The following PRKRIP1 variants were observed in gnomAD, a reference collection of about 807,000 sequenced individuals.
The protein encoded by PRKRIP1 is PRKR interacting protein 1, also known as PRKR-interacting protein 1.
A neutral mutation model predicts 29.3 loss-of-function variants in PRKRIP1; 29 were observed. That is an observed-to-expected ratio of 0.99 (90% CI 0.74 to 1.35). The LOEUF (loss-of-function observed/expected upper bound fraction) is 1.35. Among genes scored for constraint, PRKRIP1 ranks in the 40% most tolerant of loss-of-function variants. The pLI, the probability that PRKRIP1 is intolerant of heterozygous loss-of-function variation, is 0.00. For synonymous variants in PRKRIP1, 90 were observed against 85.1 expected (o/e 1.06, Z -0.32); for missense variants, 247 against 236.8 (o/e 1.04, Z -0.28).
chr7:102,418,747 G>C (rs1167442531), intron 5 of PRKRIP1, among the ~76,000 whole-genome samples: 2 of 152,132 alleles, frequency 1.3e-5, no homozygotes, highest in Non-Finnish European at 2.9e-5. Flanking sequence ...GTTACCCTGG[G>C]GGAAGCACCA....
At chr7:102,404,301 A>G (rs1563614393) in intron 3 of PRKRIP1, 2 of 252,948 alleles carry the variant, frequency 7.9e-6, no homozygotes, top group Non-Finnish European at 1.5e-5. Context: ...GCAGATGGTG[A>G]GCGCTGCCCT....
chr7:102,404,674 GGAA>G lies in PRKRIP1; in HGVS notation c.388_390del (p.Lys130del). ...GCAGAGGAGCAGACCGCAAAGCGCC[GGAA>G]GAAGCGGTAAGCGGCATGGCCTAAC... On this transcript the variant is annotated inframe_deletion, in exon 4 of 6. Transcript: ENST00000397912. 6.2e-7 allele frequency: 1 copy of G among 1,613,378 alleles called. No individual in the cohort carries two copies. Among genetic ancestry groups the G allele is most frequent in the East Asian group, 2.2e-5 (1 of 44,888 alleles).
rs1795949496 is a variant in PRKRIP1 at position 102,397,704 on chromosome 7, G to C, written c.205+6G>C. The C allele has an allele frequency of 6.6e-7, 1 of 1,521,366 alleles. No individual in the cohort carries two copies. The highest frequency in any genetic ancestry group is 8.9e-7 in the Non-Finnish European group (1 of 1,128,270). 94.2% of individuals were successfully genotyped at this position (1,521,366 alleles called of 1,614,324 possible). On this transcript the variant is annotated splice_donor_region_variant and intron_variant, in intron 2 of 5. Coordinates refer to ENST00000397912, the MANE Select transcript of PRKRIP1 (RefSeq NM_024653.4). ...ATTTGTCCGAGATGTCATGGGTAAT[G>C]GCTGTGTGTGTGTGTGTGTGTGTGT...
intron 5 of PRKRIP1, among the ~76,000 whole-genome samples, chr7:102,411,390 G>GT (rs1407570241): frequency 6.7e-6 from 1 of 150,352 alleles, no homozygotes; most frequent in African/African-American, 2.4e-5. Context: ...TTTTTTGTTT[G>GT]TTTGTTTGTT....
chr7:102,399,617 G>T lies in PRKRIP1; in HGVS notation c.275G>T (p.Arg92Leu). 1 of 1,614,038 alleles carries T rather than the reference G, an allele frequency of 6.2e-7. No homozygotes were observed. The highest frequency in any genetic ancestry group is 8.5e-7 in the Non-Finnish European group (1 of 1,179,978). The change falls in exon 3 of 6, where the codon CGA (arginine) becomes CTA (leucine). Residue 92 changes from arginine to leucine, a missense_variant. Arg to Leu is a moderately radical substitution (Grantham distance 102). Transcript: ENST00000397912. ...YRHLRRREYQ[R>L]QDYMDAMAEK... Reference sequence around the variant, plus strand: ...CATCTGCGCCGGAGAGAATATCAGCGACAGGACTACATGGATGCCATGGCT... The same window carrying T: ...CATCTGCGCCGGAGAGAATATCAGCTACAGGACTACATGGATGCCATGGCT...
chr7:102,417,463 CATCT>C (rs1796584938), intron 5 of PRKRIP1, among the ~76,000 whole-genome samples: 1 of 151,940 alleles, frequency 6.6e-6, no homozygotes. Context: ...TAATCATTTC[CATCT>C]ATCAGTATGA....
At position 102,425,099 on chromosome 7, in the gene PRKRIP1, C is replaced by T. The variant is rs1796799099; in HGVS notation, c.543C>T (p.Thr181=). Residue 181 remains threonine, a synonymous_variant, in exon 6 of 6, where the codon ACC becomes ACT. Coordinates refer to ENST00000397912, the MANE Select transcript of PRKRIP1 (RefSeq NM_024653.4). ...TEEEEEVPSF[T]MGR ...AGGAGGAGGAAGTGCCCAGTTTCAC[C>T]ATGGGGCGATGACAATGTTTGCCAC... The T allele has an allele frequency of 1.9e-6, 3 of 1,612,416 alleles. No individual in the cohort carries two copies. The East Asian group carries it at 6.7e-5, about 36-fold the overall frequency.
intron 3 of PRKRIP1, among the ~76,000 whole-genome samples, chr7:102,401,229 A>G (rs1444224886): frequency 2.0e-5 from 3 of 152,186 alleles, no homozygotes; most frequent in Admixed American, 6.6e-5. Context: ...GTATGGATAG[A>G]TCAATAGGTG....
At chr7:102,396,656 C>T in intron 1 of PRKRIP1, 119 bp downstream of exon 1, 1 of 1,073,000 alleles carries the variant, frequency 9.3e-7, no homozygotes. Flanking sequence ...AGTATCCGAC[C>T]CTCCAAGAGC....
intron 2 of PRKRIP1, among the ~76,000 whole-genome samples, chr7:102,399,333 T>A (rs1425560953): frequency 1.3e-5 from 2 of 152,142 alleles, no homozygotes; most frequent in Non-Finnish European, 2.9e-5. Flanking sequence ...TTGAGTGGGA[T>A]TTTTAGTGAC....
At chr7:102,417,584 T>G (rs1796588260) in intron 5 of PRKRIP1, among the ~76,000 whole-genome samples, 1 of 151,870 alleles carries the variant, frequency 6.6e-6, no homozygotes, top group South Asian at 2.1e-4. Context: ...AGTTGGCTCC[T>G]GTGTTCCCTT....
chr7:102,400,531 A>T (rs1481193410), intron 3 of PRKRIP1, among the ~76,000 whole-genome samples: 8 of 152,148 alleles, frequency 5.3e-5, no homozygotes, highest in Admixed American at 1.3e-4. Context: ...AAAACTGGTT[A>T]TCTGGTTGGG....
At chr7:102,405,745 G>T in intron 4 of PRKRIP1, 2 of 169,696 alleles carry the variant, frequency 1.2e-5, no homozygotes. Context: ...AGTTTTGGTT[G>T]GTGCAAAAGT....
chr7:102,396,554 G>C lies in PRKRIP1; in HGVS notation c.126+17G>C. On this transcript the variant is annotated intron_variant, in intron 1 of 5. Transcript: ENST00000397912. ...AAGAACCCGGTGAGACGAGGCCCAGGCTCCACGGCCCGTCCGAGGCCCACC... is the reference window on the plus strand; with the variant it reads ...AAGAACCCGGTGAGACGAGGCCCAGCCTCCACGGCCCGTCCGAGGCCCACC... 6.2e-7 allele frequency: 1 copy of C among 1,602,764 alleles called. No individual in the cohort carries two copies. Among genetic ancestry groups the C allele is most frequent in the South Asian group, 1.1e-5 (1 of 90,640 alleles).
At position 102,399,071 on chromosome 7, in the gene PRKRIP1, G is replaced by C. The variant is rs541104958; in HGVS notation, c.206-477G>C. 7.2e-5 allele frequency among the ~76,000 whole-genome samples: 11 copies of C among 152,324 alleles called. No individual in the cohort carries two copies. The East Asian group carries it at 1.9e-3, about 27-fold the overall frequency. The stretch of plus-strand genomic sequence containing the variant: ...CAGGAGGTTGAGGCTCCAATGAGCT[G>C]TGATTGCGCCACTGCCCTCCATCTT... On this transcript the variant is annotated intron_variant, in intron 2 of 5. Coordinates refer to ENST00000397912, the MANE Select transcript of PRKRIP1 (RefSeq NM_024653.4).
At chr7:102,419,309 G>A (rs1460786962) in intron 5 of PRKRIP1, among the ~76,000 whole-genome samples, 1 of 152,064 alleles carries the variant, frequency 6.6e-6, no homozygotes. Context: ...AGCTACTCAG[G>A]AGGCTGAGGC....
In PRKRIP1 at chr7:102,399,549, T is replaced by A; in HGVS notation, c.207T>A (p.Gly69=). The change falls in exon 3 of 6, where the codon GGT becomes GGA. Residue 69 remains glycine (G), a splice_region_variant and synonymous_variant. Transcript: ENST00000397912. ...PPPEFVRDVM[G]SSAGAGSGEF... Reference sequence around the variant, plus strand: ...AACTGTGGACTGTTCTGGCTACAGGTTCAAGTGCTGGGGCCGGCAGTGGAG... The same window carrying A: ...AACTGTGGACTGTTCTGGCTACAGGATCAAGTGCTGGGGCCGGCAGTGGAG... 6.2e-7 allele frequency: 1 copy of A among 1,613,700 alleles called. No homozygotes were observed. The highest frequency in any genetic ancestry group is 8.5e-7 in the Non-Finnish European group (1 of 1,179,712).
At chr7:102,407,645 C>T in intron 5 of PRKRIP1, 147 bp downstream of exon 5, 1 of 632,996 alleles carries the variant, frequency 1.6e-6, no homozygotes, top group Admixed American at 2.9e-5. Flanking sequence ...AGCTAGGACC[C>T]ATTGAATTGC....
chr7:102,406,734 A>G (rs528776445), intron 4 of PRKRIP1, among the ~76,000 whole-genome samples: 191 of 152,226 alleles, frequency 1.3e-3, no homozygotes, highest in African/African-American at 4.5e-3. Context: ...TCCTGGGCCA[A>G]ATGCGTTGTT....
Sources: gnomAD v4.1 joint callset for allele counts (sites outside exome capture counted in the v4.1 genomes callset) on GRCh38, gnomAD v4.1.1 for gene constraint, MANE v1.5 for transcripts, NCBI Gene and HGNC (gene_info 2026-07-23, HGNC 2026-07-21) for gene names.